The following VWF variants were observed in gnomAD, a reference collection of about 807,000 sequenced individuals.
VWF encodes von Willebrand factor.
VWF carries 176 observed loss-of-function variants against 308.6 expected under a neutral mutation model. That is an observed-to-expected ratio of 0.57 (90% CI 0.50 to 0.65). VWF has a LOEUF of 0.65. Among genes scored for constraint, VWF ranks in the 30% least tolerant of loss-of-function variants. The pLI, the probability that VWF is intolerant of heterozygous loss-of-function variation, is 0.00. For synonymous variants in VWF, 1,385 were observed against 1,443.4 expected (o/e 0.96, Z 0.92); for missense variants, 3,146 against 3,648.2 (o/e 0.86, Z 3.55).
At chr12:6,045,467 T>C (rs1225941404) in intron 17 of VWF, among the ~76,000 whole-genome samples, 3 of 152,282 alleles carry the variant, frequency 2.0e-5, no homozygotes, top group Admixed American at 2.0e-4. Context: ...GGAAGGTAGG[T>C]CTGAGAGGCA....
intron 16 of VWF, among the ~76,000 whole-genome samples, chr12:6,047,158 GC>G (rs756406191): frequency 2.0e-5 from 3 of 152,038 alleles, no homozygotes; most frequent in Non-Finnish European, 4.4e-5. Context: ...CCACTGCCTG[GC>G]CTTTCAATAT....
rs929527575 is a variant in VWF, at chr12:5,996,112, C to T, written c.5953G>A (p.Glu1985Lys). Reference protein sequence around the residue: ...VLFQNKEQDLEVILHNGACSP... With the variant: ...VLFQNKEQDLKVILHNGACSP... ...CAGGCACCATTATGGAGAATCACCT[C>T]CAGGTCCTGCTCCTTGTTTTGAAAT... Residue 1985 changes from glutamate to lysine, a missense_variant, in exon 35 of 52, where the codon GAG becomes AAG. Physicochemically the swap from Glu to Lys is moderately conservative, Grantham distance 56 (BLOSUM62 1). Around this residue, in one of 3 missense-constraint regions of VWF, gnomAD observed 989 missense variants for 1,117.4 expected, o/e 0.89. Coordinates refer to ENST00000261405, the MANE Select transcript of VWF (RefSeq NM_000552.5). The T allele has an allele frequency of 2.5e-6, 4 of 1,614,080 alleles. No homozygotes were observed. The highest frequency in any genetic ancestry group is 3.4e-6 in the Non-Finnish European group (4 of 1,180,014).
In VWF at chr12:6,063,185, A is replaced by G. The variant is rs1314641948; in HGVS notation, c.1433-131T>C. The stretch of plus-strand genomic sequence containing the variant: ...CTGAAGAGCAATGACTTAGGGGCAG[A>G]TGGGGTGGCCATGAGGTTTAAGGGG... On this transcript the variant is annotated intron_variant, in intron 12 of 51. Coordinates refer to ENST00000261405, the MANE Select transcript of VWF (RefSeq NM_000552.5). This position sits in a 1 kb window ranked among gnomAD's most constrained non-coding sequence, Gnocchi z 4.9. 2 of 762,266 alleles carry G rather than the reference A, an allele frequency of 2.6e-6. No individual in the cohort carries two copies. The highest frequency in any genetic ancestry group is 4.5e-6 in the Non-Finnish European group (2 of 444,448). The allele number at this position is 762,266 out of a possible 1,614,324, so 47.2% of individuals were successfully genotyped here.
At chr12:6,057,220 C>A (rs1253037746) in intron 14 of VWF, 148 bp from the exon 15 acceptor site, 36 of 676,794 alleles carry the variant, frequency 5.3e-5, no homozygotes, top group Non-Finnish European at 8.7e-5. Context: ...CACCCCCACC[C>A]CCAAGTCCAT....
chr12:6,072,276 C>T, intron 9 of VWF, 55 bp downstream of exon 9: 1 of 1,551,698 alleles, frequency 6.4e-7, no homozygotes, highest in South Asian at 1.1e-5. Context: ...GACCCAGCTT[C>T]CCTCCCCAGT....
chr12:5,972,431 C>T (rs527684298), intron 43 of VWF, among the ~76,000 whole-genome samples: 1 of 152,286 alleles, frequency 6.6e-6, no homozygotes, highest in South Asian at 2.1e-4. Context: ...GTGTGTTTGT[C>T]CCAGGAGCCA....
intron 47 of VWF, among the ~76,000 whole-genome samples, chr12:5,955,206 T>A (rs1181940116): frequency 6.6e-6 from 1 of 151,672 alleles, no homozygotes; most frequent in Non-Finnish European, 1.5e-5. Context: ...AGTATTGCAA[T>A]TAGCAGGCAG....
rs199924971 is a variant in VWF, at chr12:5,996,100, G to C, written c.5965C>G (p.His1989Asp). 13 of 1,614,060 alleles carry C rather than the reference G, an allele frequency of 8.1e-6. No individual in the cohort carries two copies. In the Admixed American group the frequency reaches 2.2e-4, roughly 27 times the overall value. ...GCTCCAGGGCTGCAGGCACCATTAT[G>C]GAGAATCACCTCCAGGTCCTGCTCC... ...NKEQDLEVIL[H>D]NGACSPGARQ... Residue 1989 changes from histidine (H) to aspartate (D), a missense_variant, in exon 35 of 52, where the codon CAT (histidine) becomes GAT (aspartate). Transcript: ENST00000261405.
intron 37 of VWF, among the ~76,000 whole-genome samples, chr12:5,993,065 G>T (rs147800614): frequency 6.6e-6 from 1 of 152,140 alleles, no homozygotes; most frequent in Admixed American, 6.5e-5. Context: ...CAGCTGAGCT[G>T]GGACTAGGAT....
Position 6,019,301 on chromosome 12 carries a change from C to G in VWF, c.4117G>C (p.Asp1373His). 1 of 1,613,868 alleles carries G rather than the reference C, an allele frequency of 6.2e-7. No homozygotes were observed. Among genetic ancestry groups the G allele is most frequent in the Non-Finnish European group, 8.5e-7 (1 of 1,179,856 alleles). The change falls in exon 28 of 52, where the codon GAC becomes CAC. Residue 1373 changes from aspartate (D) to histidine (H), a missense_variant. Coordinates refer to ENST00000261405, the MANE Select transcript of VWF (RefSeq NM_000552.5). This position sits in a 1 kb window ranked among gnomAD's most constrained non-coding sequence, Gnocchi z 5.8. The part of the protein sequence containing the change: ...YTLFQIFSKI[D>H]RPEASRITLL... Reference sequence around the variant, plus strand: ...GTGATGCGGGAGGCTTCAGGGCGGTCGATCTTGCTGAAGATTTGGAACAGT... The same window carrying G: ...GTGATGCGGGAGGCTTCAGGGCGGTGGATCTTGCTGAAGATTTGGAACAGT...
At chr12:6,083,159 G>A (rs1212949160) in intron 6 of VWF, among the ~76,000 whole-genome samples, 1 of 152,182 alleles carries the variant, frequency 6.6e-6, no homozygotes, top group Non-Finnish European at 1.5e-5. Flanking sequence ...GCCAAGTGCA[G>A]TGGCTCACAC....
intron 3 of VWF, among the ~76,000 whole-genome samples, chr12:6,120,817 A>G (rs1945421994): frequency 6.6e-6 from 1 of 152,140 alleles, no homozygotes; most frequent in Non-Finnish European, 1.5e-5. Flanking sequence ...CACCAAGAAA[A>G]CAACAACGAG....
intron 13 of VWF, 117 bp downstream of exon 13, chr12:6,062,833 GTGTA>G: frequency 1.3e-6 from 1 of 793,716 alleles, no homozygotes; most frequent in Non-Finnish European, 2.1e-6. Context: ...CGCTCTGGGG[GTGTA>G]GGCCATGAGG....
At chr12:5,995,736 G>C (rs1462107199) in intron 35 of VWF, among the ~76,000 whole-genome samples, 1 of 152,096 alleles carries the variant, frequency 6.6e-6, no homozygotes, top group Non-Finnish European at 1.5e-5. Flanking sequence ...TTCTCCACCA[G>C]TGCCAGAAAC....
chr12:6,062,336 T>A (rs2191161), intron 13 of VWF, among the ~76,000 whole-genome samples: 9 of 151,752 alleles, frequency 5.9e-5, no homozygotes, highest in Non-Finnish European at 1.0e-4. Flanking sequence ...TCTGGAGTGC[T>A]GCACCATCCC....
chr12:6,084,690 AG>A (rs1207342020), intron 6 of VWF, among the ~76,000 whole-genome samples: 1 of 152,158 alleles, frequency 6.6e-6, no homozygotes, highest in East Asian at 1.9e-4. Flanking sequence ...AAGAAAGGAA[AG>A]TCTAATACAT....
At chr12:6,051,566 G>A (rs1944512704) in intron 16 of VWF, among the ~76,000 whole-genome samples, 1 of 152,084 alleles carries the variant, frequency 6.6e-6, no homozygotes, top group Non-Finnish European at 1.5e-5. Context: ...GAGCCACTGT[G>A]CCTGGCCAAT....
At chr12:6,038,471 G>C (rs1479526204) in intron 18 of VWF, among the ~76,000 whole-genome samples, 1 of 152,088 alleles carries the variant, frequency 6.6e-6, no homozygotes, top group African/African-American at 2.4e-5. Flanking sequence ...CTCTTGGTCT[G>C]CATGCTGCAT....
At chr12:6,099,074 C>T (rs907682276) in intron 5 of VWF, among the ~76,000 whole-genome samples, 11 of 151,934 alleles carry the variant, frequency 7.2e-5, no homozygotes, top group African/African-American at 2.4e-4. Flanking sequence ...AATTCTTGCA[C>T]TTTGGGAGGC....
Sources: gnomAD v4.1 joint callset for allele counts (sites outside exome capture counted in the v4.1 genomes callset) on GRCh38, gnomAD v4.1.1 for gene constraint, gnomAD v4.1.1 regional missense constraint, Gnocchi (gnomAD v3.1) non-coding constraint, MANE v1.5 for transcripts, NCBI Gene and HGNC (gene_info 2026-07-23, HGNC 2026-07-21) for gene names.